The following ASTN2 variants were observed in gnomAD, a reference collection of about 807,000 sequenced individuals.
ASTN2 encodes astrotactin-2.
ASTN2 carries 54 observed loss-of-function variants against 139.8 expected under a neutral mutation model. The observed-to-expected ratio is 0.39, with a 90% confidence interval of 0.31 to 0.48. The LOEUF is 0.48. Ranked by LOEUF, ASTN2 falls within the 20% of genes least tolerant of loss-of-function variation. The probability of loss-of-function intolerance (pLI) is 0.95; values close to 1 mark genes in which losing one functional copy is unlikely to be tolerated. For missense variants in ASTN2, 1,565 were observed against 1,725.1 expected (o/e 0.91, Z 1.64); for synonymous variants, 756 against 719.5 (o/e 1.05, Z -0.81).
At chr9:117,088,531 G>A (rs565416790) in intron 5 of ASTN2, among the ~76,000 whole-genome samples, 2 of 152,236 alleles carry the variant, frequency 1.3e-5, no homozygotes, top group Admixed American at 1.3e-4. Context: ...GGAGGTGGGA[G>A]GAGAATCATA....
intron 1 of ASTN2, among the ~76,000 whole-genome samples, chr9:117,350,412 T>C (rs1366056239): frequency 6.6e-6 from 1 of 151,814 alleles, no homozygotes; most frequent in Non-Finnish European, 1.5e-5. Context: ...TAGCCAAGCG[T>C]GGTCGTGGGC....
intron 17 of ASTN2, among the ~76,000 whole-genome samples, chr9:116,621,708 T>C (rs1856166015): frequency 6.6e-6 from 1 of 152,218 alleles, no homozygotes; most frequent in African/African-American, 2.4e-5. Context: ...AATATTCCTG[T>C]GGGACCTAGC....
chr9:117,046,255 C>A (rs1361375495), intron 5 of ASTN2, among the ~76,000 whole-genome samples: 1 of 152,106 alleles, frequency 6.6e-6, no homozygotes, highest in African/African-American at 2.4e-5. Flanking sequence ...CCTGCCTCAG[C>A]CTCCCAATGT....
chr9:117,145,547 C>T (rs10818002), intron 3 of ASTN2, among the ~76,000 whole-genome samples: 19,578 of 152,134 alleles, frequency 0.13, 1,554 homozygotes, highest in Non-Finnish European at 0.18. Flanking sequence ...AGATTCTCAA[C>T]AATTACAGCT....
intron 10 of ASTN2, among the ~76,000 whole-genome samples, chr9:116,917,174 A>G (rs1834472189): frequency 6.6e-6 from 1 of 152,124 alleles, no homozygotes; most frequent in African/African-American, 2.4e-5. Context: ...CATCCTGTAG[A>G]TGTTAGATCA....
At chr9:116,828,603 T>G (rs1831711554) in intron 11 of ASTN2, among the ~76,000 whole-genome samples, 1 of 152,086 alleles carries the variant, frequency 6.6e-6, no homozygotes, top group South Asian at 2.1e-4. Context: ...CCACAGCCAT[T>G]ATCTTACTGG....
At chr9:116,932,185 G>A (rs1386965679) in intron 10 of ASTN2, among the ~76,000 whole-genome samples, 1 of 152,140 alleles carries the variant, frequency 6.6e-6, no homozygotes, top group East Asian at 1.9e-4. Context: ...TTACTATGGA[G>A]CACCTCTTAT....
At chr9:116,902,022 T>C (rs1371240084) in intron 10 of ASTN2, among the ~76,000 whole-genome samples, 1 of 152,102 alleles carries the variant, frequency 6.6e-6, no homozygotes, top group Non-Finnish European at 1.5e-5. Flanking sequence ...GAGACTCTTG[T>C]TTCAAATAAA....
chr9:116,906,824 G>A (rs1010445511), intron 10 of ASTN2, among the ~76,000 whole-genome samples: 5 of 152,036 alleles, frequency 3.3e-5, no homozygotes, highest in East Asian at 1.9e-4. Context: ...GCAAAATACC[G>A]CAATTACTTT....
intron 4 of ASTN2, among the ~76,000 whole-genome samples, chr9:117,121,367 G>A (rs1056322839): frequency 6.6e-6 from 1 of 152,212 alleles, no homozygotes; most frequent in African/African-American, 2.4e-5. Context: ...AAATTTTAGA[G>A]TTCAGCAGTC....
At chr9:116,594,913 T>C (rs549882218) in intron 19 of ASTN2, among the ~76,000 whole-genome samples, 2 of 152,226 alleles carry the variant, frequency 1.3e-5, no homozygotes, top group African/African-American at 2.4e-5. Context: ...CATTATACTC[T>C]CCTCTCCTTT....
chr9:116,995,262 T>G (rs1426597022), intron 7 of ASTN2, among the ~76,000 whole-genome samples: 1 of 152,172 alleles, frequency 6.6e-6, no homozygotes, highest in African/African-American at 2.4e-5. Flanking sequence ...ATTTTCAGTA[T>G]ACAGAACTTC....
intron 10 of ASTN2, among the ~76,000 whole-genome samples, chr9:116,898,301 C>A (rs187753061): frequency 6.6e-6 from 1 of 151,274 alleles, no homozygotes; most frequent in Admixed American, 6.6e-5. Context: ...CTCAGCTACT[C>A]GGGTGGCTAA....
rs569144798 is a variant in ASTN2 at position 117,131,749 on chromosome 9, T to A, written c.1168+9577A>T. ...AATTGCCAATCAGAAAATCTTTTAA[T>A]CCACCTATGACCTGTAAGTACCCCT... On this transcript the variant is annotated intron_variant, in intron 4 of 22. Coordinates refer to ENST00000313400, the MANE Select transcript of ASTN2 (RefSeq NM_001365068.1). 2.6e-5 allele frequency among the ~76,000 whole-genome samples: 4 copies of A among 152,314 alleles called. No homozygotes were observed. The East Asian group carries it at 7.7e-4, about 29-fold the overall frequency.
chr9:116,723,859 C>A (rs1454320356), intron 16 of ASTN2, among the ~76,000 whole-genome samples: 1 of 152,204 alleles, frequency 6.6e-6, no homozygotes, highest in Non-Finnish European at 1.5e-5. Context: ...AGTGCCTTTG[C>A]AGACTAGAAG....
intron 2 of ASTN2, among the ~76,000 whole-genome samples, chr9:117,277,981 A>C (rs540737850): frequency 6.6e-6 from 1 of 152,344 alleles, no homozygotes; most frequent in African/African-American, 2.4e-5. Context: ...TTCTACCTCA[A>C]TTCCAACCTC....
chr9:116,695,609 C>G (rs932670961), intron 16 of ASTN2, among the ~76,000 whole-genome samples: 1 of 152,200 alleles, frequency 6.6e-6, no homozygotes, highest in African/African-American at 2.4e-5. Flanking sequence ...CCACTTCCTC[C>G]TTCTCCTGGG....
intron 10 of ASTN2, among the ~76,000 whole-genome samples, chr9:116,929,489 C>T (rs1588419297): frequency 6.6e-6 from 1 of 152,248 alleles, no homozygotes; most frequent in East Asian, 1.9e-4. Context: ...AAAGCCAGTT[C>T]ACCTGCTCCA....
intron 11 of ASTN2, among the ~76,000 whole-genome samples, chr9:116,862,865 C>G (rs528891886): frequency 6.6e-6 from 1 of 151,398 alleles, no homozygotes; most frequent in African/African-American, 2.4e-5. Flanking sequence ...AGTCAGGCTC[C>G]CGGGACCTAA....
Sources: allele counts gnomAD v4.1 joint callset (sites outside exome capture counted in the v4.1 genomes callset), GRCh38; gene constraint gnomAD v4.1.1; transcripts MANE v1.5; gene names NCBI Gene and HGNC (gene_info 2026-07-23, HGNC 2026-07-21).